The following ATG5 variants were observed in gnomAD, a reference collection of about 807,000 sequenced individuals.
The protein encoded by ATG5 is autophagy protein 5.
ATG5 carries 14 observed loss-of-function variants against 36.5 expected under a neutral mutation model. The ratio of observed to expected loss-of-function variants is 0.38; its 90% CI spans 0.25 to 0.60. The LOEUF (loss-of-function observed/expected upper bound fraction) is 0.60. Among genes scored for constraint, ATG5 ranks in the 20% least tolerant of loss-of-function variants. ATG5 has a pLI of 0.60. For missense variants in ATG5, 195 were observed against 326.7 expected (o/e 0.60, Z 3.11); for synonymous variants, 95 against 101.5 (o/e 0.94, Z 0.38).
chr6:106,209,313 G>C (rs1459345701), intron 6 of ATG5, among the ~76,000 whole-genome samples: 1 of 152,134 alleles, frequency 6.6e-6, no homozygotes, highest in African/African-American at 2.4e-5. Context: ...TAAACTGACT[G>C]TAATAGGTCT....
intron 2 of ATG5, 93 bp from the exon 3 acceptor site, chr6:106,308,584 G>A (rs549061258): frequency 5.9e-5 from 58 of 983,548 alleles, no homozygotes; most frequent in East Asian, 5.7e-4. Context: ...AAAAACAGCC[G>A]TGTTCTTTGC....
At chr6:106,322,628 AT>A (rs1249928442) in intron 1 of ATG5, among the ~76,000 whole-genome samples, 1 of 152,072 alleles carries the variant, frequency 6.6e-6, no homozygotes, top group African/African-American at 2.4e-5. Context: ...CTCAAGAGGA[AT>A]TTTACTCAAC....
intron 2 of ATG5, among the ~76,000 whole-genome samples, chr6:106,309,288 A>C (rs1582684095): frequency 1.3e-5 from 2 of 152,310 alleles, no homozygotes; most frequent in South Asian, 4.1e-4. Context: ...TAATAAATCA[A>C]GTAGAACTAC....
intron 5 of ATG5, among the ~76,000 whole-genome samples, chr6:106,253,461 G>T (rs73522642): frequency 0.11 from 17,371 of 152,222 alleles, 1,086 homozygotes; most frequent in African/African-American, 0.16. Flanking sequence ...CTGGACAATT[G>T]TGACCTGGAC....
chr6:106,204,094 G>A (rs945904724), intron 6 of ATG5, among the ~76,000 whole-genome samples: 4 of 152,132 alleles, frequency 2.6e-5, no homozygotes, highest in African/African-American at 9.7e-5. Context: ...GGGGGCTAGG[G>A]GAGGGATAGC....
At chr6:106,262,290 T>C (rs919499490) in intron 5 of ATG5, among the ~76,000 whole-genome samples, 1 of 152,120 alleles carries the variant, frequency 6.6e-6, no homozygotes, top group Non-Finnish European at 1.5e-5. Context: ...GGTCTTGAAC[T>C]CCTGACCTTG....
rs188076304 is a variant in ATG5, at chr6:106,279,837, A to G, written c.316-14T>C. 1.2e-5 allele frequency: 18 copies of G among 1,459,718 alleles called. No individual in the cohort carries two copies. Among genetic ancestry groups the G allele is most frequent in the Admixed American group, 1.2e-4 (5 of 43,388 alleles). The allele number at this position is 1,459,718 out of a possible 1,614,324, so 90.4% of individuals were successfully genotyped here. On this transcript the variant is annotated splice_polypyrimidine_tract_variant and intron_variant, in intron 4 of 7. Transcript: ENST00000369076. ...TTCTGGAAAACTCTATCAAAGGAAA[A>G]AATATACATATAAAACAGGATACAC...
intron 5 of ATG5, among the ~76,000 whole-genome samples, chr6:106,270,567 ATAC>A (rs1199490589): frequency 6.6e-6 from 1 of 152,228 alleles, no homozygotes; most frequent in Non-Finnish European, 1.5e-5. Flanking sequence ...TAAAATTCCT[ATAC>A]TAATTTGCAA....
intron 2 of ATG5, among the ~76,000 whole-genome samples, chr6:106,312,527 A>AG (rs1196173238): frequency 2.0e-5 from 3 of 152,060 alleles, no homozygotes; most frequent in Non-Finnish European, 4.4e-5. Context: ...CAAGAACTCC[A>AG]GGGGGTAAAA....
At chr6:106,292,090 T>C (rs1780330354) in intron 4 of ATG5, among the ~76,000 whole-genome samples, 1 of 152,060 alleles carries the variant, frequency 6.6e-6, no homozygotes, top group African/African-American at 2.4e-5. Context: ...TCTCCAATAA[T>C]GTATTGGAGA....
chr6:106,213,597 G>C (rs1191884644), intron 6 of ATG5, among the ~76,000 whole-genome samples: 2 of 152,050 alleles, frequency 1.3e-5, no homozygotes, highest in Non-Finnish European at 2.9e-5. Context: ...TGAATATAAT[G>C]GTACTTCTGA....
chr6:106,267,294 A>G lies in ATG5; in HGVS notation c.478+12367T>C, dbSNP rs190113637. Among the ~76,000 whole-genome samples, 859 of 152,334 alleles carry G rather than the reference A, an allele frequency of 5.6e-3. 2 individuals carry two copies. Among genetic ancestry groups the G allele is most frequent in the Non-Finnish European group, 8.0e-3 (541 of 68,028 alleles). On this transcript the variant is annotated intron_variant, in intron 5 of 7. Transcript: ENST00000369076. ...AGGAATCCAACTTACAAGTGACATG[A>G]AGGACCTCTTCAAGAACTACAAACC...
At chr6:106,227,225 G>T (rs992870599) in intron 6 of ATG5, among the ~76,000 whole-genome samples, 5 of 152,174 alleles carry the variant, frequency 3.3e-5, no homozygotes, top group African/African-American at 4.8e-5. Context: ...AACATCTTCA[G>T]ATTAATAACA....
chr6:106,204,024 C>A (rs1776533366), intron 6 of ATG5, among the ~76,000 whole-genome samples: 1 of 151,974 alleles, frequency 6.6e-6, no homozygotes, highest in South Asian at 2.1e-4. Context: ...GGGAGCTGAA[C>A]AACGAGAACA....
chr6:106,247,918 TAAGCATGTGA>T (rs1293141943), intron 6 of ATG5, among the ~76,000 whole-genome samples: 1 of 152,210 alleles, frequency 6.6e-6, no homozygotes, highest in African/African-American at 2.4e-5. Context: ...TAAATTTTAG[TAAGCATGTGA>T]ATCTGCCAAT....
In ATG5 at chr6:106,186,524, G is replaced by A. The variant is rs1775774425; in HGVS notation, c.*16C>T. 6.2e-7 allele frequency: 1 copy of A among 1,612,200 alleles called. No individual in the cohort carries two copies. Among genetic ancestry groups the A allele is most frequent in the Admixed American group, 1.7e-5 (1 of 59,958 alleles). On this transcript the variant is annotated 3_prime_UTR_variant, in exon 8 of 8. Coordinates refer to ENST00000369076, the MANE Select transcript of ATG5 (RefSeq NM_004849.4). ...CCCATTTAAGGATGATTCTGTTCAG[G>A]CAAATAGTTGATCCTTCAATCTGTT...
chr6:106,214,380 TAGG>T (rs1347339500), intron 6 of ATG5, among the ~76,000 whole-genome samples: 9 of 152,050 alleles, frequency 5.9e-5, no homozygotes, highest in Middle Eastern at 3.2e-3. Flanking sequence ...TGTAGAGAAA[TAGG>T]AGAGTTGAAA....
chr6:106,323,926 G>A (rs905315680), intron 1 of ATG5, among the ~76,000 whole-genome samples: 1 of 152,066 alleles, frequency 6.6e-6, no homozygotes, highest in African/African-American at 2.4e-5. Flanking sequence ...TTATTTTCCA[G>A]TCAAACTAGC....
At chr6:106,254,346 C>T (rs1778717424) in intron 5 of ATG5, among the ~76,000 whole-genome samples, 1 of 152,140 alleles carries the variant, frequency 6.6e-6, no homozygotes, top group Non-Finnish European at 1.5e-5. Flanking sequence ...TGTCGCTCTC[C>T]CTCAACCAAA....
Sources: allele counts gnomAD v4.1 joint callset (sites outside exome capture counted in the v4.1 genomes callset), GRCh38; gene constraint gnomAD v4.1.1; transcripts MANE v1.5; gene names NCBI Gene and HGNC (gene_info 2026-07-23, HGNC 2026-07-21).